The following SPG7 variants were observed in gnomAD, a reference collection of about 807,000 sequenced individuals.
SPG7 encodes SPG7 matrix AAA peptidase subunit, paraplegin.
In SPG7, 103 loss-of-function variants were observed where a neutral mutation model predicts 81.9. That is an observed-to-expected ratio of 1.26 (90% CI 1.07 to 1.48). SPG7 has a LOEUF of 1.48. Ranked by LOEUF, SPG7 falls within the 40% of genes most tolerant of loss-of-function variation. The pLI, the probability that SPG7 is intolerant of heterozygous loss-of-function variation, is 0.00. For missense variants in SPG7, 1,241 were observed against 1,087.3 expected (o/e 1.14, Z -1.99); for synonymous variants, 534 against 444.2 (o/e 1.20, Z -2.54).
rs145699752 is a variant in SPG7 at position 89,548,274 on chromosome 16, T to C, written c.1663+161T>C. 517 of 610,072 alleles carry C rather than the reference T, an allele frequency of 8.5e-4. 1 individual carries two copies. In the African/African-American group the frequency reaches 8.6e-3, roughly 10 times the overall value. The allele number at this position is 610,072 out of a possible 1,614,324, so 37.8% of individuals were successfully genotyped here. A position where few individuals can be genotyped will look rare whatever the true frequency, so the allele number is the denominator to read the frequency against. ...TAACTCATGTCTTTATGATACCTTG[T>C]ACTTTTCCTTAGTTTAAAATATCAC... On this transcript the variant is annotated intron_variant, in intron 12 of 16. Coordinates refer to ENST00000645818, the MANE Select transcript of SPG7 (RefSeq NM_003119.4).
At chr16:89,553,273 T>C (rs2058655170) in intron 14 of SPG7, 138 bp downstream of exon 14, 3 of 992,498 alleles carry the variant, frequency 3.0e-6, no homozygotes, top group African/African-American at 1.6e-5. Context: ...AAAAGATAAG[T>C]TGTGGTCATA....
rs780351244 is a variant in SPG7 at position 89,556,967 on chromosome 16, G to A, written c.2262G>A (p.Pro754=). 8 of 1,613,938 alleles carry A rather than the reference G, an allele frequency of 5.0e-6. No homozygotes were observed. Among genetic ancestry groups the A allele is most frequent in the South Asian group, 4.4e-5 (4 of 91,090 alleles). ...TCATTGGCCCGCCGCCCCATGGGCC[G>A]AAGAAAATGATCGCACCGCAGAGGT... The part of the protein sequence containing the change: ...EALIGPPPHG[P]KKMIAPQRWI... The change falls in exon 17 of 17, where the codon CCG becomes CCA. Residue 754 remains proline, a synonymous_variant. Coordinates refer to ENST00000645818, the MANE Select transcript of SPG7 (RefSeq NM_003119.4).
At chr16:89,523,937 A>G (rs1273039112) in intron 3 of SPG7, 69 bp from the exon 4 acceptor site, 1 of 1,593,814 alleles carries the variant, frequency 6.3e-7, no homozygotes, top group African/African-American at 1.3e-5. Context: ...TTCCTGAGGA[A>G]GCTCTGGATG....
In SPG7 at chr16:89,530,483, T is replaced by C; in HGVS notation, c.862-200T>C. On this transcript the variant is annotated intron_variant, in intron 6 of 16. Coordinates refer to ENST00000645818, the MANE Select transcript of SPG7 (RefSeq NM_003119.4). ...AAAGCAAATTGCTAGATAAGTTTCT[T>C]ACTAATTAATGACGAAACATTTCCC... 6 of 659,600 alleles carry C rather than the reference T, an allele frequency of 9.1e-6. No homozygotes were observed. In the South Asian group the frequency reaches 1.0e-4, roughly 11 times the overall value. The allele number at this position is 659,600 out of a possible 1,614,324, so 40.9% of individuals were successfully genotyped here. A position where few individuals can be genotyped will look rare whatever the true frequency, so the allele number is the denominator to read the frequency against.
Position 89,530,927 on chromosome 16 carries a change from C to G in SPG7, c.987+119C>G, listed in dbSNP as rs374457201. The G allele has an allele frequency of 3.0e-5, 42 of 1,380,596 alleles. No individual in the cohort carries two copies. The African/African-American group carries it at 4.4e-4, about 14-fold the overall frequency. 85.5% of individuals were successfully genotyped at this position (1,380,596 alleles called of 1,614,324 possible). On this transcript the variant is annotated intron_variant, in intron 7 of 16. Transcript: ENST00000645818. ...TGACGTGTCGTGGGTTGGCGGTGAC[C>G]TCTACCATGTCCCATGGGGACACCA...
rs1466751763 is a variant in SPG7 at position 89,520,906 on chromosome 16, G to A, written c.377-3100G>A. 8 of 152,272 alleles carry A rather than the reference G, an allele frequency of 5.3e-5. No homozygotes were observed. The East Asian group carries it at 1.5e-3, about 29-fold the overall frequency. 9.4% of individuals were successfully genotyped at this position (152,272 alleles called of 1,614,324 possible). ...TCAGAAGTAGGATTTTTGAATTAAA[G>A]AAACTAAATACTGTCTATGGCGCTT... On this transcript the variant is annotated intron_variant, in intron 3 of 16. Transcript: ENST00000645818.
intron 7 of SPG7, chr16:89,531,363 A>AT: frequency 5.4e-6 from 1 of 185,756 alleles, no homozygotes; most frequent in South Asian, 9.8e-5. Context: ...TCTGCAAAAC[A>AT]TTTTTTTATT....
At chr16:89,553,706 C>G (rs751756956) in intron 14 of SPG7, 88 bp from the exon 15 acceptor site, 4 of 1,342,798 alleles carry the variant, frequency 3.0e-6, no homozygotes, top group Admixed American at 3.4e-5. Context: ...GTGGTGCTGC[C>G]TCAGTGCTCT....
chr16:89,518,447 T>C (rs2058133324), intron 3 of SPG7: 1 of 152,118 alleles, frequency 6.6e-6, no homozygotes, highest in Non-Finnish European at 1.5e-5. Flanking sequence ...AAGGCTCCGC[T>C]CACTGATAAC....
At chr16:89,555,554 TTTCCGGTC>T (rs1219279345) in intron 16 of SPG7, 1 of 232,456 alleles carries the variant, frequency 4.3e-6, no homozygotes, top group African/African-American at 2.3e-5. Context: ...CCCAGTGTCC[TTTCCGGTC>T]TTGGGAGTCC....
chr16:89,513,355 A>G (rs540563488), intron 3 of SPG7, among the ~76,000 whole-genome samples: 125 of 152,230 alleles, frequency 8.2e-4, no homozygotes, highest in African/African-American at 3.0e-3. Flanking sequence ...CGTCTTTACT[A>G]AAAATAGAAA....
intron 3 of SPG7, among the ~76,000 whole-genome samples, chr16:89,516,205 C>G (rs1050544217): frequency 3.3e-5 from 5 of 151,984 alleles, no homozygotes; most frequent in Admixed American, 2.0e-4. Context: ...TCAGGCTAGT[C>G]TCAAACTTCT....
chr16:89,516,536 G>A (rs1411456559), intron 3 of SPG7, among the ~76,000 whole-genome samples: 1 of 152,058 alleles, frequency 6.6e-6, no homozygotes, highest in Non-Finnish European at 1.5e-5. Context: ...GGATAATAGA[G>A]TGAGACCTTT....
Position 89,550,863 on chromosome 16 carries a change from G to C in SPG7, c.1779+254G>C, listed in dbSNP as rs546731427. ...CTGTGTCACATCGGAGCATGGTGCT[G>C]CTACTGGGGTGACTCGTGGAAGGTT... On this transcript the variant is annotated intron_variant, in intron 13 of 16. Coordinates refer to ENST00000645818, the MANE Select transcript of SPG7 (RefSeq NM_003119.4). Among the ~76,000 whole-genome samples, 4 of 152,326 alleles carry C rather than the reference G, an allele frequency of 2.6e-5. No individual in the cohort carries two copies. The East Asian group carries it at 7.7e-4, about 29-fold the overall frequency.
chr16:89,546,814 T>C, intron 11 of SPG7, 54 bp downstream of exon 11: 1 of 1,202,402 alleles, frequency 8.3e-7, no homozygotes, highest in Non-Finnish European at 1.2e-6. Flanking sequence ...GCAGGTGGTG[T>C]CACCTGCGCA....
intron 3 of SPG7, 88 bp from the exon 4 acceptor site, chr16:89,523,918 A>C: frequency 6.4e-7 from 1 of 1,552,032 alleles, no homozygotes; most frequent in Non-Finnish European, 8.8e-7. Context: ...CTCCCCGTCC[A>C]GCTGAGCTTT....
At chr16:89,534,849 GC>G (rs998011150) in intron 9 of SPG7, among the ~76,000 whole-genome samples, 1 of 152,058 alleles carries the variant, frequency 6.6e-6, no homozygotes, top group South Asian at 2.1e-4. Context: ...AGGTGCTTCC[GC>G]CCCCCCGATG....
At chr16:89,556,626 G>A (rs2058689673) in intron 16 of SPG7, 1 of 503,804 alleles carries the variant, frequency 2.0e-6, no homozygotes, top group African/African-American at 1.9e-5. Flanking sequence ...GAAAGAAATT[G>A]CAGTTGCCAA....
rs2058695929 is a variant in SPG7, at chr16:89,557,173, G to T, written c.*80G>T. On this transcript the variant is annotated 3_prime_UTR_variant, in exon 17 of 17. Coordinates refer to ENST00000645818, the MANE Select transcript of SPG7 (RefSeq NM_003119.4). ...CCACCCTGAGTTGCTTTTCAGCTGA[G>T]GTTTGCACTTCCTCTCGCGGCCCTC... 1 of 1,040,984 alleles carries T rather than the reference G, an allele frequency of 9.6e-7. No individual in the cohort carries two copies. The highest frequency in any genetic ancestry group is 1.5e-6 in the Non-Finnish European group (1 of 679,760). The allele number at this position is 1,040,984 out of a possible 1,614,324, so 64.5% of individuals were successfully genotyped here. A position where few individuals can be genotyped will look rare whatever the true frequency, so the allele number is the denominator to read the frequency against.
Sources: allele counts gnomAD v4.1 joint callset (sites outside exome capture counted in the v4.1 genomes callset), GRCh38; gene constraint gnomAD v4.1.1; transcripts MANE v1.5; gene names NCBI Gene and HGNC (gene_info 2026-07-23, HGNC 2026-07-21).